Variants in ANKS1A observed in about 807,000 individuals in gnomAD.
The protein encoded by ANKS1A is ankyrin repeat and SAM domain-containing protein 1A.
Under a neutral mutation model 120.3 loss-of-function variants are expected in ANKS1A, and 55 were observed. That is an observed-to-expected ratio of 0.46 (90% CI 0.37 to 0.57). ANKS1A has a LOEUF of 0.57. ANKS1A is among the 20% of genes least tolerant of loss of function. ANKS1A has a pLI of 0.00. For missense variants in ANKS1A, 1,123 were observed against 1,480.3 expected (o/e 0.76, Z 3.96); for synonymous variants, 590 against 604.7 (o/e 0.98, Z 0.36).
At chr6:34,991,645 CACACATATATAT>C (rs1211341394) in intron 9 of ANKS1A, among the ~76,000 whole-genome samples, 48 of 139,012 alleles carry the variant, frequency 3.5e-4, no homozygotes, top group Middle Eastern at 3.6e-3. Flanking sequence ...CATATATACA[CACACATATATAT>C]ACACATATAT....
At chr6:35,034,743 A>G (rs1352400826) in intron 11 of ANKS1A, among the ~76,000 whole-genome samples, 2 of 152,236 alleles carry the variant, frequency 1.3e-5, no homozygotes, top group Admixed American at 6.5e-5. Flanking sequence ...AGGAAATAAA[A>G]CATCATAAAT....
chr6:35,034,929 G>A (rs1206861082), intron 11 of ANKS1A, among the ~76,000 whole-genome samples: 1 of 152,234 alleles, frequency 6.6e-6, no homozygotes, highest in Non-Finnish European at 1.5e-5. Context: ...AAACTTAAAG[G>A]GGATATTTTA....
intron 1 of ANKS1A, among the ~76,000 whole-genome samples, chr6:34,950,421 G>T (rs1294321693): frequency 1.3e-5 from 2 of 152,056 alleles, no homozygotes; most frequent in African/African-American, 4.8e-5. Flanking sequence ...TAGAGACGGG[G>T]TTTCACCATG....
intron 16 of ANKS1A, among the ~76,000 whole-genome samples, chr6:35,080,292 A>G (rs1218842693): frequency 6.6e-6 from 1 of 152,208 alleles, no homozygotes; most frequent in East Asian, 1.9e-4. Context: ...TCGAATTCCC[A>G]GGCTGGGGTG....
At chr6:35,032,575 G>C (rs1325725233) in intron 11 of ANKS1A, among the ~76,000 whole-genome samples, 1 of 152,178 alleles carries the variant, frequency 6.6e-6, no homozygotes, top group Non-Finnish European at 1.5e-5. Flanking sequence ...GGGATGTCCT[G>C]AGTCCTTAAA....
chr6:35,093,929 G>C (rs140137499), downstream of ANKS1A, among the ~76,000 whole-genome samples: 44 of 152,340 alleles, frequency 2.9e-4, no homozygotes, highest in African/African-American at 1.0e-3. Flanking sequence ...GAGGGGGCCT[G>C]GTGAAGAGAC....
intron 1 of ANKS1A, among the ~76,000 whole-genome samples, chr6:34,964,606 T>C (rs893950692): frequency 6.6e-6 from 1 of 152,268 alleles, no homozygotes; most frequent in African/African-American, 2.4e-5. Context: ...CGTAGTATTG[T>C]ATTTTAGGAG....
intron 10 of ANKS1A, among the ~76,000 whole-genome samples, chr6:35,015,357 G>A (rs981009957): frequency 3.3e-5 from 5 of 152,170 alleles, no homozygotes; most frequent in Non-Finnish European, 5.9e-5. Flanking sequence ...AAATTAGCTG[G>A]GCGTGGTGGC....
chr6:34,974,361 CA>C (rs1771438569), intron 3 of ANKS1A, among the ~76,000 whole-genome samples: 4 of 10,370 alleles, frequency 3.9e-4, no homozygotes, highest in Non-Finnish European at 6.6e-4. Context: ...CTTCCCCTTC[CA>C]TTTCCCTTCC....
intron 3 of ANKS1A, among the ~76,000 whole-genome samples, chr6:34,975,168 G>A (rs1366265120): frequency 6.6e-6 from 1 of 152,166 alleles, no homozygotes; most frequent in Non-Finnish European, 1.5e-5. Context: ...TAAGAGTAAA[G>A]CTGAGGCCAG....
chr6:34,912,412 C>G (rs1767948595), intron 1 of ANKS1A, among the ~76,000 whole-genome samples: 1 of 152,122 alleles, frequency 6.6e-6, no homozygotes, highest in African/African-American at 2.4e-5. Context: ...GACGGGTGGT[C>G]CTCGGCTCTA....
chr6:35,083,324 T>G, intron 19 of ANKS1A, 93 bp from the exon 20 acceptor site: 1 of 1,596,680 alleles, frequency 6.3e-7, no homozygotes, highest in East Asian at 2.2e-5. Flanking sequence ...TGCTGCACTA[T>G]GTAAGGATGG....
intron 13 of ANKS1A, chr6:35,070,842 G>T (rs1194475800): frequency 3.5e-6 from 2 of 578,516 alleles, no homozygotes; most frequent in Non-Finnish European, 6.6e-6. Context: ...GTGTGTGTGT[G>T]TGTGCGCGCC....
At chr6:34,917,028 C>G (rs1276509598) in intron 1 of ANKS1A, among the ~76,000 whole-genome samples, 1 of 152,196 alleles carries the variant, frequency 6.6e-6, no homozygotes, top group Admixed American at 6.5e-5. Flanking sequence ...GAGGGCCTCT[C>G]CCCTTTATTT....
chr6:34,934,608 C>T (rs1024710166), intron 1 of ANKS1A, among the ~76,000 whole-genome samples: 5 of 152,186 alleles, frequency 3.3e-5, no homozygotes, highest in East Asian at 1.9e-4. Context: ...TATCATTCAG[C>T]GGTCATGCTT....
intron 1 of ANKS1A, among the ~76,000 whole-genome samples, chr6:34,966,448 G>A (rs1185603963): frequency 2.0e-5 from 3 of 152,164 alleles, no homozygotes; most frequent in African/African-American, 7.2e-5. Flanking sequence ...AACCATTAGA[G>A]GCATTCTCAT....
At position 34,967,522 on chromosome 6, in the gene ANKS1A, CAAAA is replaced by C. The variant is rs10559753; in HGVS notation, c.278+219_278+222del. Among the ~76,000 whole-genome samples the C allele has an allele frequency of 8.7e-4, 84 of 96,754 alleles. No homozygotes were observed. In the East Asian group the frequency reaches 9.1e-3, roughly 10 times the overall value. 63.5% of individuals were successfully genotyped at this position (96,754 alleles called of 152,430 possible). ...GCAACAAAGCAAGCCTCCATCTCCA[CAAAA>C]AAAAAAAAAAAAAAATTTTTTTAAT... On this transcript the variant is annotated intron_variant, in intron 2 of 23. Transcript: ENST00000360359.
In ANKS1A at chr6:35,058,776, T is replaced by C. The variant is rs1776336463; in HGVS notation, c.2078-1371T>C. The C allele has an allele frequency of 6.6e-6, 1 of 152,250 alleles. No individual in the cohort carries two copies. The highest frequency in any genetic ancestry group is 2.4e-5 in the African/African-American group (1 of 41,458). The allele number at this position is 152,250 out of a possible 1,614,324, so 9.4% of individuals were successfully genotyped here. ...TTTCATCTGTTCTTGCCCACAAGAA[T>C]CAGAGAAGTAGGTTGGGGTTCAGGC... On this transcript the variant is annotated intron_variant, in intron 12 of 23. Coordinates refer to ENST00000360359, the MANE Select transcript of ANKS1A (RefSeq NM_015245.3). The surrounding 1 kb of genome is among the most constrained non-coding windows in gnomAD (Gnocchi z 5.1).
chr6:35,062,588 G>A (rs1214057101), intron 13 of ANKS1A, among the ~76,000 whole-genome samples: 6 of 152,292 alleles, frequency 3.9e-5, no homozygotes, highest in South Asian at 2.1e-4. Flanking sequence ...TCTGAGGAGC[G>A]TCTGGAAACT....
Sources: gnomAD v4.1 joint callset for allele counts (sites outside exome capture counted in the v4.1 genomes callset) on GRCh38, gnomAD v4.1.1 for gene constraint, Gnocchi (gnomAD v3.1) non-coding constraint, MANE v1.5 for transcripts, NCBI Gene and HGNC (gene_info 2026-07-23, HGNC 2026-07-21) for gene names.